Variants in PRPSAP2 observed in about 807,000 individuals in gnomAD.
PRPSAP2 encodes the protein phosphoribosyl pyrophosphate synthase-associated protein 2.
PRPSAP2 carries 24 observed loss-of-function variants against 40.6 expected under a neutral mutation model. That is an observed-to-expected ratio of 0.59 (90% confidence interval 0.43 to 0.83). The LOEUF (loss-of-function observed/expected upper bound fraction) is 0.83, where lower values mean the gene tolerates loss of function less well. Among genes scored for constraint, PRPSAP2 ranks in the 40% least tolerant of loss-of-function variants. The pLI, the probability that PRPSAP2 is intolerant of heterozygous loss-of-function variation, is 0.00. For synonymous variants in PRPSAP2, 149 were observed against 164.7 expected, an observed-to-expected ratio of 0.90 and a Z score of 0.73; for missense variants, 292 against 465.6, an observed-to-expected ratio of 0.63 and a Z score of 3.43.
At chr17:18,892,690 T>TGA (rs1422167396) in intron 8 of PRPSAP2, among the ~76,000 whole-genome samples, 1 of 83,584 alleles carries the variant, frequency 1.2e-5, no homozygotes, top group African/African-American at 4.8e-5. Flanking sequence ...GCCTGTTGAG[T>TGA]GTGTGTGTGT....
intron 8 of PRPSAP2, among the ~76,000 whole-genome samples, chr17:18,898,885 GTGTTTGTT>G (rs55864350): frequency 0.46 from 69,301 of 150,648 alleles, 16,167 homozygotes; most frequent in Middle Eastern, 0.52. Flanking sequence ...TAAATGTCAG[GTGTTTGTT>G]TGTTTGTTTG....
Position 18,860,007 on chromosome 17 carries a change from G to A in PRPSAP2, c.-129+1746G>A, listed in dbSNP as rs139464109. ...GATCTGCCTGCCTTGGCCTCCCAAA[G>A]TGCTGGGATTACAAGCGTGAGCCAC... On this transcript the variant is annotated intron_variant, in intron 1 of 11. Coordinates refer to ENST00000268835, the MANE Select transcript of PRPSAP2 (RefSeq NM_002767.4). Among the ~76,000 whole-genome samples, 640 of 152,142 alleles carry A rather than the reference G, an allele frequency of 4.2e-3. 7 individuals are homozygous for A. Among genetic ancestry groups the A allele is most frequent in the African/African-American group, 0.015 (610 of 41,492 alleles).
chr17:18,912,167 A>G (rs1038334125), intron 9 of PRPSAP2, among the ~76,000 whole-genome samples: 6 of 150,536 alleles, frequency 4.0e-5, no homozygotes, highest in Admixed American at 4.0e-4. Flanking sequence ...GGGCAACAAG[A>G]GTGAAACTCC....
intron 7 of PRPSAP2, among the ~76,000 whole-genome samples, chr17:18,883,131 C>T (rs994217325): frequency 6.6e-6 from 1 of 152,186 alleles, no homozygotes; most frequent in Non-Finnish European, 1.5e-5. Context: ...CTGCCTCCTT[C>T]CACCCTAGGG....
intron 9 of PRPSAP2, among the ~76,000 whole-genome samples, chr17:18,920,154 C>T (rs1054617769): frequency 2.0e-5 from 3 of 152,114 alleles, no homozygotes; most frequent in Admixed American, 6.5e-5. Context: ...GAGCCATGCC[C>T]GGGAGCATGG....
At chr17:18,892,518 A>T (rs2039610050) in intron 8 of PRPSAP2, among the ~76,000 whole-genome samples, 2 of 151,320 alleles carry the variant, frequency 1.3e-5, no homozygotes, top group Non-Finnish European at 2.9e-5. Context: ...CATTATAATC[A>T]TCCTAGTGGG....
At chr17:18,874,157 G>C (rs2038102226) in intron 5 of PRPSAP2, among the ~76,000 whole-genome samples, 1 of 151,998 alleles carries the variant, frequency 6.6e-6, no homozygotes, top group South Asian at 2.1e-4. Flanking sequence ...CTCCTGCCTT[G>C]ACCTCCTATA....
rs1000808518 is a variant in PRPSAP2 at position 18,911,548 on chromosome 17, T to C, written c.733+297T>C. Among the ~76,000 whole-genome samples, 4 of 152,068 alleles carry C rather than the reference T, an allele frequency of 2.6e-5. No homozygotes were observed. Among genetic ancestry groups the C allele is most frequent in the African/African-American group, 9.7e-5 (4 of 41,414 alleles). On this transcript the variant is annotated intron_variant, in intron 9 of 11. Coordinates refer to ENST00000268835, the MANE Select transcript of PRPSAP2 (RefSeq NM_002767.4). This position sits in a 1 kb window ranked among gnomAD's most constrained non-coding sequence, Gnocchi z 4.5. ...CAGCAGTATATACTAGAGTGTAGTTTAACATAAGCAAAAAGCTTTTTATAT... is the reference window on the plus strand; with the variant it reads ...CAGCAGTATATACTAGAGTGTAGTTCAACATAAGCAAAAAGCTTTTTATAT...
chr17:18,908,469 A>T (rs2040742073), intron 8 of PRPSAP2: 1 of 760,404 alleles, frequency 1.3e-6, no homozygotes, highest in Non-Finnish European at 2.5e-6. Flanking sequence ...CCAGAATGGA[A>T]GGAGTGAGGC....
rs539954400 is a variant in PRPSAP2, at chr17:18,880,129, C to T, written c.412+2259C>T. On this transcript the variant is annotated intron_variant, in intron 6 of 11. Transcript: ENST00000268835. The stretch of plus-strand genomic sequence containing the variant: ...TAAAAATAAAATTAAAAACTCAACC[C>T]GAAGCAACCTCAGGAGCCTACCCCA... Among the ~76,000 whole-genome samples the T allele has an allele frequency of 2.6e-5, 4 of 152,024 alleles. No homozygotes were observed. In the South Asian group the frequency reaches 6.2e-4, roughly 24 times the overall value.
At chr17:18,904,198 T>G (rs567040539) in intron 8 of PRPSAP2, 1 of 152,254 alleles carries the variant, frequency 6.6e-6, no homozygotes, top group African/African-American at 2.4e-5. Flanking sequence ...ATCAAAGAAC[T>G]TACTGAAGGA....
chr17:18,858,249 G>A lies in PRPSAP2; in HGVS notation c.-141G>A, dbSNP rs2036737863. 1 of 152,452 alleles carries A rather than the reference G, an allele frequency of 6.6e-6. No homozygotes were observed. Among genetic ancestry groups the A allele is most frequent in the African/African-American group, 2.4e-5 (1 of 41,448 alleles). 9.4% of individuals were successfully genotyped at this position (152,452 alleles called of 1,614,324 possible). A position where few individuals can be genotyped will look rare whatever the true frequency, so the allele number is the denominator to read the frequency against. ...TGAGGCTGCGGCGGGGCCGGGGCTG[G>A]GGTCGGGGCCAGGTAGGCGGGCGGG... On this transcript the variant is annotated 5_prime_UTR_variant, in exon 1 of 12. Coordinates refer to ENST00000268835, the MANE Select transcript of PRPSAP2 (RefSeq NM_002767.4).
chr17:18,913,002 C>T (rs2041057418), intron 9 of PRPSAP2, among the ~76,000 whole-genome samples: 1 of 152,244 alleles, frequency 6.6e-6, no homozygotes, highest in Non-Finnish European at 1.5e-5. Flanking sequence ...GATGGCCCCA[C>T]TCCCACAGCT....
intron 10 of PRPSAP2, among the ~76,000 whole-genome samples, chr17:18,925,124 G>A (rs12936120): frequency 0.088 from 12,435 of 141,788 alleles, 574 homozygotes; most frequent in Middle Eastern, 0.14. Context: ...CATCTCAAAA[G>A]AAAAAAAAAA....
intron 7 of PRPSAP2, 52 bp from the exon 8 acceptor site, chr17:18,889,770 A>G: frequency 7.0e-7 from 1 of 1,434,418 alleles, no homozygotes. Context: ...GGTCTGTTGG[A>G]ATTTTCCTTT....
rs1555552101 is a variant in PRPSAP2, at chr17:18,885,403, C to CACA, written c.528+2721_528+2722insCAA. Among the ~76,000 whole-genome samples the CACA allele has an allele frequency of 1.4e-3, 15 of 10,990 alleles. 5 individuals carry two copies. Among genetic ancestry groups the CACA allele is most frequent in the Middle Eastern group, 0.12 (2 of 16 alleles). 7.2% of individuals were successfully genotyped at this position (10,990 alleles called of 152,430 possible). A position where few individuals can be genotyped will look rare whatever the true frequency, so the allele number is the denominator to read the frequency against. On this transcript the variant is annotated intron_variant, in intron 7 of 11. Transcript: ENST00000268835. ...GGCGACAGAGTGAGATTCCTTCTCA[C>CACA]AAAAAAAAAAAAAAAAAAAAAAAAA...
intron 6 of PRPSAP2, among the ~76,000 whole-genome samples, chr17:18,880,518 G>A (rs1003342037): frequency 2.6e-5 from 4 of 151,786 alleles, no homozygotes; most frequent in African/African-American, 4.8e-5. Context: ...GTGATCCTCC[G>A]ACCTTAGCTT....
chr17:18,905,915 A>AT (rs539397689), intron 8 of PRPSAP2, among the ~76,000 whole-genome samples: 4 of 151,874 alleles, frequency 2.6e-5, no homozygotes, highest in Admixed American at 6.6e-5. Context: ...AACTATTTTG[A>AT]TTTTTTTTGT....
At chr17:18,878,855 T>A (rs117575987) in intron 6 of PRPSAP2, among the ~76,000 whole-genome samples, 7,343 of 152,094 alleles carry the variant, frequency 0.048, 272 homozygotes, top group Middle Eastern at 0.085. Context: ...ATGATTTTTT[T>A]ATTTTAATTT....
Sources: gnomAD v4.1 joint callset for allele counts (sites outside exome capture counted in the v4.1 genomes callset) on GRCh38, gnomAD v4.1.1 for gene constraint, Gnocchi (gnomAD v3.1) non-coding constraint, MANE v1.5 for transcripts, NCBI Gene and HGNC (gene_info 2026-07-23, HGNC 2026-07-21) for gene names.